Variants in SLC22A17 observed in about 807,000 individuals in gnomAD.
SLC22A17 encodes the protein 24p3 receptor.
SLC22A17 carries 38 observed loss-of-function variants against 53.6 expected under a neutral mutation model. That is an observed-to-expected ratio of 0.71 (90% CI 0.55 to 0.93). SLC22A17 has a LOEUF of 0.93. Ranked by LOEUF, SLC22A17 falls within the 40% of genes least tolerant of loss-of-function variation. The pLI is 0.00. For missense variants in SLC22A17, 704 were observed against 791.0 expected, an observed-to-expected ratio of 0.89 and a Z score of 1.32; for synonymous variants, 379 against 353.0, an observed-to-expected ratio of 1.07 and a Z score of -0.82.
At chr14:23,350,325 AAAAG>A (rs973082126) in intron 3 of SLC22A17, among the ~76,000 whole-genome samples, 45 of 152,274 alleles carry the variant, frequency 3.0e-4, no homozygotes, top group African/African-American at 9.6e-4. Flanking sequence ...AAAAAGAAAA[AAAAG>A]AAAGAAAAAA....
chr14:23,352,358 C>T lies in SLC22A17; in HGVS notation c.190G>A (p.Gly64Arg). Residue 64 changes from glycine (G) to arginine (R), a missense_variant, in exon 2 of 10, where the codon GGA becomes AGA. Gly to Arg is a moderately radical substitution (Grantham distance 125). Transcript: ENST00000397267. The surrounding 1 kb of genome is among the most constrained non-coding windows in gnomAD (Gnocchi z 7.2). ...GCCAGCGACAGGCTGCTGCCCAGTC[C>T]GTCGCCGCCCGCGTCTCCCTCCCCC... The T allele has an allele frequency of 2.2e-6, 2 of 908,812 alleles. No homozygotes were observed. Among genetic ancestry groups the T allele is most frequent in the East Asian group, 3.3e-5 (1 of 30,630 alleles). 56.3% of individuals were successfully genotyped at this position (908,812 alleles called of 1,614,324 possible).
At position 23,347,566 on chromosome 14, in the gene SLC22A17, G is replaced by A. The variant is rs765855756; in HGVS notation, c.1443C>T (p.Leu481=). ...AAGCAATGCCGGTAAGGGTCATGGA[G>A]AGAAGAAGGATGCCCCGGCGGCCAA... The change falls in exon 8 of 10, where the codon CTC becomes CTT. Residue 481 remains leucine, a synonymous_variant. Transcript: ENST00000397267. This position sits in a 1 kb window ranked among gnomAD's most constrained non-coding sequence, Gnocchi z 5.1. The A allele has an allele frequency of 5.6e-6, 9 of 1,614,068 alleles. No homozygotes were observed. The highest frequency in any genetic ancestry group is 1.6e-4 in the Middle Eastern group (1 of 6,062).
rs1386932146 is a variant in SLC22A17 at position 23,352,476 on chromosome 14, G to A, written c.97-25C>T. 4 of 439,014 alleles carry A rather than the reference G, an allele frequency of 9.1e-6. No homozygotes were observed. The highest frequency in any genetic ancestry group is 8.3e-5 in the African/African-American group (4 of 48,122). The allele number at this position is 439,014 out of a possible 1,614,324, so 27.2% of individuals were successfully genotyped here. A position where few individuals can be genotyped will look rare whatever the true frequency, so the allele number is the denominator to read the frequency against. ...GCTGTTGGGGGGCAGGGGGTGGCAG[G>A]AGAAGGGTGAAGCGGAGGAAACCGC... On this transcript the variant is annotated intron_variant, in intron 1 of 9. Coordinates refer to ENST00000397267, the Ensembl canonical transcript of SLC22A17. This position sits in a 1 kb window ranked among gnomAD's most constrained non-coding sequence, Gnocchi z 7.2.
At position 23,348,057 on chromosome 14, in the gene SLC22A17, T is replaced by C; in HGVS notation, c.1172-61A>G. ...CCTGAGATCCCAGGATCCTCCCACATGGGTGGTGGGGACCCTGGGAGAAGG... is the reference window on the plus strand; with the variant it reads ...CCTGAGATCCCAGGATCCTCCCACACGGGTGGTGGGGACCCTGGGAGAAGG... On this transcript the variant is annotated intron_variant, in intron 6 of 9. Transcript: ENST00000397267. This position sits in a 1 kb window ranked among gnomAD's most constrained non-coding sequence, Gnocchi z 4.5. 1.9e-6 allele frequency: 3 copies of C among 1,608,514 alleles called. No individual in the cohort carries two copies. Among genetic ancestry groups the C allele is most frequent in the Admixed American group, 1.7e-5 (1 of 59,980 alleles).
chr14:23,346,977 C>T (rs1289371896), intron 9 of SLC22A17, 41 bp from the exon 10 acceptor site: 6 of 1,500,598 alleles, frequency 4.0e-6, no homozygotes, highest in Non-Finnish European at 5.3e-6. Flanking sequence ...ACAGCTGTAG[C>T]CTTGCTGGGC....
At chr14:23,346,880 G>T (rs757505962) in exon 10 of SLC22A17, 2 of 1,538,016 alleles carry the variant, frequency 1.3e-6, no homozygotes, top group East Asian at 2.4e-5. Context: ...GCGCTGGGCC[G>T]GGCCGCTCAG....
chr14:23,352,060 G>A lies in SLC22A17; in HGVS notation c.488C>T (p.Ala163Val). 1 of 1,605,308 alleles carries A rather than the reference G, an allele frequency of 6.2e-7. No individual in the cohort carries two copies. The highest frequency in any genetic ancestry group is 1.7e-4 in the Middle Eastern group (1 of 6,046). ...GCTGCACGAGGGGTCGGTACTGGTG[G>A]CGACACGGCTGGCGGCGCTGGCTGC... Residue 163 changes from alanine (A) to valine (V), a missense_variant, in exon 2 of 10, where the codon GCC becomes GTC. Physicochemically the swap from Ala to Val is moderately conservative, Grantham distance 64. This residue lies in a region of SLC22A17 where 435 missense variants were observed against 529.0 expected (regional missense o/e 0.82). Coordinates refer to ENST00000397267, the Ensembl canonical transcript of SLC22A17. The surrounding 1 kb of genome is among the most constrained non-coding windows in gnomAD (Gnocchi z 7.2).
At position 23,348,534 on chromosome 14, in the gene SLC22A17, C is replaced by A. The variant is rs369848098; in HGVS notation, c.997G>T (p.Ala333Ser). ...TAAAACAGGAAGAGGATGCAGGGAG[C>A]GGTGATCATTCGCTGTAGGAATCGC... The change falls in exon 5 of 10, where the codon GCT (alanine) becomes TCT (serine). Residue 333 changes from alanine (A) to serine (S), a missense_variant. Transcript: ENST00000397267. The surrounding 1 kb of genome is among the most constrained non-coding windows in gnomAD (Gnocchi z 4.5). The A allele has an allele frequency of 6.2e-7, 1 of 1,613,962 alleles. No homozygotes were observed.
At chr14:23,349,412 C>A (rs1942344494) in exon 4 of SLC22A17, 1 of 1,612,522 alleles carries the variant, frequency 6.2e-7, no homozygotes, top group African/African-American at 1.3e-5. Flanking sequence ...CAGCACAATC[C>A]CGCGACGGCC....
intron 3 of SLC22A17, chr14:23,350,839 C>T (rs1464872853): frequency 1.3e-5 from 2 of 152,216 alleles, no homozygotes; most frequent in East Asian, 1.9e-4. Context: ...ATCATTGGCC[C>T]ACAGAGGTGT....
rs1169937915 is a variant in SLC22A17, at chr14:23,352,773, G to A, written c.-32C>T. 5.0e-6 allele frequency: 2 copies of A among 398,682 alleles called. No homozygotes were observed. The highest frequency in any genetic ancestry group is 3.6e-5 in the East Asian group (1 of 28,064). The allele number at this position is 398,682 out of a possible 1,614,324, so 24.7% of individuals were successfully genotyped here. A position where few individuals can be genotyped will look rare whatever the true frequency, so the allele number is the denominator to read the frequency against. ...GACCGCAGGGGCCCTGCCGGCCCGC[G>A]CCGAAAGGATGCGCTGTCCTCTGGC... is the stretch of plus-strand genomic sequence containing the variant. On this transcript the variant is annotated 5_prime_UTR_variant, in exon 1 of 10. Coordinates refer to ENST00000397267, the Ensembl canonical transcript of SLC22A17. The surrounding 1 kb of genome is among the most constrained non-coding windows in gnomAD (Gnocchi z 7.2).
intron 3 of SLC22A17, chr14:23,349,631 G>A (rs1447757047): frequency 6.6e-6 from 4 of 610,296 alleles, no homozygotes; most frequent in African/African-American, 5.6e-5. Context: ...TGTGGTTGTG[G>A]TTCTTTAAGA....
chr14:23,349,416 G>A lies in SLC22A17; in HGVS notation c.715C>T (p.Arg239Cys), dbSNP rs1374903301. Residue 239 changes from arginine (R) to cysteine (C), a missense_variant, in exon 4 of 10, where the codon CGC becomes TGC. Physicochemically the swap from Arg to Cys is radical, Grantham distance 180. Around this residue, in one of 4 missense-constraint regions of SLC22A17, gnomAD observed 435 missense variants for 529.0 expected, o/e 0.82. Coordinates refer to ENST00000397267, the Ensembl canonical transcript of SLC22A17. The stretch of plus-strand genomic sequence containing the variant: ...CCCAAGGTCAGCAGCACAATCCCGC[G>A]ACGGCCAAATCTAGAAAGTGGGAAG... 18 of 1,612,394 alleles carry A rather than the reference G, an allele frequency of 1.1e-5. 1 individual carries two copies. Among genetic ancestry groups the A allele is most frequent in the South Asian group, 3.3e-5 (3 of 90,974 alleles).
rs1401606118 is a variant in SLC22A17, at chr14:23,348,049, C to T, written c.1172-53G>A. The T allele has an allele frequency of 1.9e-6, 3 of 1,610,788 alleles. No homozygotes were observed. The highest frequency in any genetic ancestry group is 1.7e-6 in the Non-Finnish European group (2 of 1,177,478). ...AAGAAAACCCTGAGATCCCAGGATCCTCCCACATGGGTGGTGGGGACCCTG... is the reference window on the plus strand; with the variant it reads ...AAGAAAACCCTGAGATCCCAGGATCTTCCCACATGGGTGGTGGGGACCCTG... On this transcript the variant is annotated intron_variant, in intron 6 of 9. Transcript: ENST00000397267. The surrounding 1 kb of genome is among the most constrained non-coding windows in gnomAD (Gnocchi z 4.5).
At chr14:23,350,451 G>A (rs936237259) in intron 3 of SLC22A17, among the ~76,000 whole-genome samples, 3 of 152,220 alleles carry the variant, frequency 2.0e-5, no homozygotes, top group Non-Finnish European at 4.4e-5. Flanking sequence ...TAAGGTCACA[G>A]ACCAGGGGAG....
Position 23,352,343 on chromosome 14 carries a change from G to T in SLC22A17, c.205C>A (p.Leu69Met). ...GGGCCTGGGGGCACGGCCAGCGACA[G>T]GCTGCTGCCCAGTCCGTCGCCGCCC... Residue 69 changes from leucine to methionine, a missense_variant, in exon 2 of 10, where the codon CTG (leucine) becomes ATG (methionine). Leu to Met is a conservative substitution (Grantham distance 15). This residue lies in a region of SLC22A17 where 42 missense variants were observed against 28.2 expected (regional missense o/e 1.49). Transcript: ENST00000397267. This position sits in a 1 kb window ranked among gnomAD's most constrained non-coding sequence, Gnocchi z 7.2. 9.0e-7 allele frequency: 1 copy of T among 1,116,064 alleles called. No homozygotes were observed. Among genetic ancestry groups the T allele is most frequent in the Non-Finnish European group, 1.2e-6 (1 of 836,348 alleles). The allele number at this position is 1,116,064 out of a possible 1,614,324, so 69.1% of individuals were successfully genotyped here. A position where few individuals can be genotyped will look rare whatever the true frequency, so the allele number is the denominator to read the frequency against.
At position 23,352,184 on chromosome 14, in the gene SLC22A17, G is replaced by T; in HGVS notation, c.364C>A (p.Pro122Thr). 3 of 1,518,720 alleles carry T rather than the reference G, an allele frequency of 2.0e-6. No homozygotes were observed. The highest frequency in any genetic ancestry group is 2.6e-6 in the Non-Finnish European group (3 of 1,137,528). The allele number at this position is 1,518,720 out of a possible 1,614,324, so 94.1% of individuals were successfully genotyped here. A position where few individuals can be genotyped will look rare whatever the true frequency, so the allele number is the denominator to read the frequency against. ...GCCCCGTAGTGGCAATGCAGCGGGG[G>T]CGCCAGCGTGAAGATGGGGTCCGAG... The change falls in exon 2 of 10, where the codon CCC becomes ACC. Residue 122 changes from proline to threonine, a missense_variant. Physicochemically the swap from Pro to Thr is conservative, Grantham distance 38. Coordinates refer to ENST00000397267, the Ensembl canonical transcript of SLC22A17. This position sits in a 1 kb window ranked among gnomAD's most constrained non-coding sequence, Gnocchi z 7.2.
Position 23,348,017 on chromosome 14 carries a change from C to A in SLC22A17, c.1172-21G>T. On this transcript the variant is annotated intron_variant, in intron 6 of 9. Coordinates refer to ENST00000397267, the Ensembl canonical transcript of SLC22A17. This position sits in a 1 kb window ranked among gnomAD's most constrained non-coding sequence, Gnocchi z 4.5. ...CAGGTCTTTGGGAGAGAGAGAGGAG[C>A]TGTCAGAAGAAAACCCTGAGATCCC... The A allele has an allele frequency of 6.2e-7, 1 of 1,612,610 alleles. No homozygotes were observed. The highest frequency in any genetic ancestry group is 8.5e-7 in the Non-Finnish European group (1 of 1,178,810).
At position 23,352,458 on chromosome 14, in the gene SLC22A17, G is replaced by C. The variant is rs553493337; in HGVS notation, c.97-7C>G. ...CTCCGAGGGTCCCGACCTGCTGTTGGGGGGCAGGGGGTGGCAGGAGAAGGG... is the reference window on the plus strand; with the variant it reads ...CTCCGAGGGTCCCGACCTGCTGTTGCGGGGCAGGGGGTGGCAGGAGAAGGG... On this transcript the variant is annotated splice_polypyrimidine_tract_variant and splice_region_variant and intron_variant, in intron 1 of 9. Coordinates refer to ENST00000397267, the Ensembl canonical transcript of SLC22A17. This position sits in a 1 kb window ranked among gnomAD's most constrained non-coding sequence, Gnocchi z 7.2. 1.1e-3 allele frequency: 496 copies of C among 444,886 alleles called. No homozygotes were observed. The highest frequency in any genetic ancestry group is 1.9e-3 in the Admixed American group (44 of 23,746). The allele number at this position is 444,886 out of a possible 1,614,324, so 27.6% of individuals were successfully genotyped here. A position where few individuals can be genotyped will look rare whatever the true frequency, so the allele number is the denominator to read the frequency against.
Sources: allele counts gnomAD v4.1 joint callset (sites outside exome capture counted in the v4.1 genomes callset), GRCh38; gene constraint gnomAD v4.1.1; regional missense constraint gnomAD v4.1.1; non-coding constraint Gnocchi (gnomAD v3.1); transcripts MANE v1.5; gene names NCBI Gene and HGNC (gene_info 2026-07-23, HGNC 2026-07-21).